Variants in PRPF39 observed in about 807,000 individuals in gnomAD.
PRPF39 encodes pre-mRNA-processing factor 39.
Under a neutral mutation model 82.1 loss-of-function variants are expected in PRPF39, and 27 were observed. The ratio of observed to expected loss-of-function variants is 0.33; its 90% CI spans 0.24 to 0.45. The LOEUF is 0.45. Among genes scored for constraint, PRPF39 ranks in the 20% least tolerant of loss-of-function variants. The pLI is 1.00. For synonymous variants in PRPF39, 261 were observed against 256.4 expected, an observed-to-expected ratio of 1.02 and a Z score of -0.17; for missense variants, 581 against 796.9, an observed-to-expected ratio of 0.73 and a Z score of 3.26.
At chr14:45,107,069 T>C (rs537712235) in intron 5 of PRPF39, among the ~76,000 whole-genome samples, 64 of 152,306 alleles carry the variant, frequency 4.2e-4, no homozygotes, top group African/African-American at 1.4e-3. Flanking sequence ...GTCTTTGTAG[T>C]AAAATAGATT....
At chr14:45,086,661 A>G (rs776393794) in intron 1 of PRPF39, among the ~76,000 whole-genome samples, 1 of 152,164 alleles carries the variant, frequency 6.6e-6, no homozygotes, top group Non-Finnish European at 1.5e-5. Context: ...TCATTCAGAG[A>G]TATTTGTTGT....
At chr14:45,108,004 A>C (rs763588236) in intron 6 of PRPF39, among the ~76,000 whole-genome samples, 9 of 152,166 alleles carry the variant, frequency 5.9e-5, no homozygotes, top group African/African-American at 9.7e-5. Flanking sequence ...CACAGTGATC[A>C]CTTATATAAC....
At chr14:45,092,179 A>G (rs1884050124) in intron 1 of PRPF39, among the ~76,000 whole-genome samples, 1 of 152,162 alleles carries the variant, frequency 6.6e-6, no homozygotes, top group Non-Finnish European at 1.5e-5. Flanking sequence ...CTTACATGAG[A>G]TTAACTATAT....
rs528381204 is a variant in PRPF39, at chr14:45,095,478, A to C, written c.239A>C (p.Glu80Ala). ...LTETEANFPP[E>A]YEKFWKTVEN... is the part of the protein sequence containing the mutation. ...GAAACAGAAGCAAATTTCCCTCCAG[A>C]ATATGAAAAATTTTGGAAAACTGTA... is the stretch of plus-strand genomic sequence containing the variant. The change falls in exon 2 of 14, where the codon GAA (glutamate) becomes GCA (alanine). Residue 80 changes from glutamate (E) to alanine (A), a missense_variant. Glu to Ala is a moderately radical substitution (Grantham distance 107). Coordinates refer to ENST00000355765, the MANE Select transcript of PRPF39 (RefSeq NM_017922.4). 17 of 1,613,832 alleles carry C rather than the reference A, an allele frequency of 1.1e-5. No homozygotes were observed. Among genetic ancestry groups the C allele is most frequent in the East Asian group, 2.2e-5 (1 of 44,890 alleles).
intron 1 of PRPF39, among the ~76,000 whole-genome samples, chr14:45,090,591 T>C (rs1293755201): frequency 6.6e-6 from 1 of 152,240 alleles, no homozygotes; most frequent in African/African-American, 2.4e-5. Context: ...CCATTCTTTT[T>C]CTATTATTCC....
At chr14:45,091,615 A>C (rs530364573) in intron 1 of PRPF39, among the ~76,000 whole-genome samples, 2 of 152,362 alleles carry the variant, frequency 1.3e-5, no homozygotes, top group Admixed American at 1.3e-4. Flanking sequence ...CGAAGAGTGT[A>C]TACAAACCAA....
At chr14:45,101,531 T>C (rs1281856702) in intron 4 of PRPF39, among the ~76,000 whole-genome samples, 1 of 152,036 alleles carries the variant, frequency 6.6e-6, no homozygotes, top group Non-Finnish European at 1.5e-5. Context: ...AGTGGTGCAA[T>C]TTCAGCTCAC....
intron 11 of PRPF39, among the ~76,000 whole-genome samples, chr14:45,113,253 A>G (rs1414605013): frequency 6.6e-6 from 1 of 152,260 alleles, no homozygotes; most frequent in Non-Finnish European, 1.5e-5. Flanking sequence ...AGTGCAACTA[A>G]TATAACAGCT....
chr14:45,102,749 T>C, intron 5 of PRPF39, 53 bp downstream of exon 5: 1 of 1,407,636 alleles, frequency 7.1e-7, no homozygotes. Context: ...AGATAGTTGG[T>C]AATATTAAGT....
intron 1 of PRPF39, among the ~76,000 whole-genome samples, chr14:45,089,000 C>T (rs1883932884): frequency 6.6e-6 from 1 of 152,088 alleles, no homozygotes; most frequent in Non-Finnish European, 1.5e-5. Flanking sequence ...ATTACTTAGC[C>T]CCTTATTACA....
At chr14:45,104,875 G>T (rs1182266358) in intron 5 of PRPF39, among the ~76,000 whole-genome samples, 1 of 152,052 alleles carries the variant, frequency 6.6e-6, no homozygotes, top group African/African-American at 2.4e-5. Context: ...CTTTCCACTT[G>T]TCTAGTGGAC....
chr14:45,108,281 T>C, intron 6 of PRPF39, 134 bp from the exon 7 acceptor site: 1 of 1,029,078 alleles, frequency 9.7e-7, no homozygotes. Flanking sequence ...TTGCACATAA[T>C]TGCCAACAGT....
chr14:45,084,359 G>C (rs966507585), intron 1 of PRPF39, 110 bp downstream of exon 1: 1 of 152,646 alleles, frequency 6.6e-6, no homozygotes, highest in African/African-American at 2.4e-5. Context: ...TCCCTCTCCC[G>C]CCCTGTTTGA....
At chr14:45,093,559 CT>C (rs112983627) in intron 1 of PRPF39, among the ~76,000 whole-genome samples, 121 of 120,156 alleles carry the variant, frequency 1.0e-3, no homozygotes, top group Middle Eastern at 5.8e-3. Context: ...TTTTTCTTTT[CT>C]TTTTTTTTTT....
chr14:45,101,039 A>T (rs184743680), intron 4 of PRPF39, among the ~76,000 whole-genome samples: 6 of 152,226 alleles, frequency 3.9e-5, no homozygotes, highest in African/African-American at 1.4e-4. Context: ...ACACACATTG[A>T]TCTCTTTTTT....
chr14:45,086,846 G>GTTTTTT (rs57666854), intron 1 of PRPF39, among the ~76,000 whole-genome samples: 2 of 118,456 alleles, frequency 1.7e-5, no homozygotes, highest in African/African-American at 3.0e-5. Flanking sequence ...GTGTTTCTCA[G>GTTTTTT]TTTTTTTTTT....
At position 45,110,565 on chromosome 14, in the gene PRPF39, C is replaced by A. The variant is rs1385298590; in HGVS notation, c.1320C>A (p.Ala440=). 1 of 1,561,006 alleles carries A rather than the reference C, an allele frequency of 6.4e-7. No individual in the cohort carries two copies. Among genetic ancestry groups the A allele is most frequent in the South Asian group, 1.2e-5 (1 of 84,854 alleles). ...FEEQQGNINE[A]RNILKTFEEC... is the part of the protein sequence containing the mutation. The stretch of plus-strand genomic sequence containing the variant: ...TGTTTCTAGGTAATATTAATGAAGC[C>A]AGGAATATCTTGAAAACATTTGAAG... Residue 440 remains alanine (A), a synonymous_variant, in exon 10 of 14, where the codon GCC becomes GCA. Transcript: ENST00000355765. The surrounding 1 kb of genome is among the most constrained non-coding windows in gnomAD (Gnocchi z 4.0).
intron 1 of PRPF39, among the ~76,000 whole-genome samples, chr14:45,093,627 C>T (rs1287913911): frequency 6.6e-6 from 1 of 151,368 alleles, no homozygotes; most frequent in Non-Finnish European, 1.5e-5. Context: ...ATGATCTCGG[C>T]TCACTGTACC....
At chr14:45,102,261 A>T (rs1386391231) in intron 4 of PRPF39, among the ~76,000 whole-genome samples, 1 of 152,156 alleles carries the variant, frequency 6.6e-6, no homozygotes, top group Non-Finnish European at 1.5e-5. Flanking sequence ...GTCTACTCTT[A>T]CCTATTTGCA....
Sources: gnomAD v4.1 joint callset for allele counts (sites outside exome capture counted in the v4.1 genomes callset) on GRCh38, gnomAD v4.1.1 for gene constraint, Gnocchi (gnomAD v3.1) non-coding constraint, MANE v1.5 for transcripts, NCBI Gene and HGNC (gene_info 2026-07-23, HGNC 2026-07-21) for gene names.